The following TLE3 variants were observed in gnomAD, a reference collection of about 807,000 sequenced individuals.
TLE3 encodes TLE family member 3, transcriptional corepressor.
In TLE3, 14 loss-of-function variants were observed where a neutral mutation model predicts 93.0. That is an observed-to-expected ratio of 0.15 (90% confidence interval 0.10 to 0.24). TLE3 has a LOEUF of 0.24. TLE3 is among the 10% of genes least tolerant of loss of function. TLE3 has a pLI of 1.00. For missense variants in TLE3, 693 were observed against 1,046.6 expected (o/e 0.66, Z 4.66); for synonymous variants, 451 against 425.0 (o/e 1.06, Z -0.75).
At chr15:70,081,596 C>T (rs970974267) in intron 4 of TLE3, among the ~76,000 whole-genome samples, 15 of 152,224 alleles carry the variant, frequency 9.9e-5, no homozygotes, top group African/African-American at 3.4e-4. Context: ...GACAACCAGG[C>T]CAGGGTTCTC....
At chr15:70,055,475 A>C in intron 14 of TLE3, 177 bp from the exon 15 acceptor site, 1 of 708,668 alleles carries the variant, frequency 1.4e-6, no homozygotes, top group Non-Finnish European at 2.0e-6. Flanking sequence ...ATCGAGGTAG[A>C]CATGATTAAC....
rs909031509 is a variant in TLE3 at position 70,054,698 on chromosome 15, G to A, written c.1579-13C>T. 10 of 1,568,844 alleles carry A rather than the reference G, an allele frequency of 6.4e-6. No individual in the cohort carries two copies. In the African/African-American group the frequency reaches 1.2e-4, roughly 19 times the overall value. On this transcript the variant is annotated splice_polypyrimidine_tract_variant and intron_variant, in intron 15 of 19. Transcript: ENST00000451782. ...AATTGTCCCTGTTCTGGAGGGAGAA[G>A]GGGCAGGGCTGAGTGCTGCCTACTT... is the stretch of plus-strand genomic sequence containing the variant.
chr15:70,084,442 C>T (rs1188013109), intron 4 of TLE3, among the ~76,000 whole-genome samples: 2 of 152,232 alleles, frequency 1.3e-5, no homozygotes, highest in Non-Finnish European at 1.5e-5. Flanking sequence ...AATCCCTGAT[C>T]CACATGTGGC....
intron 4 of TLE3, among the ~76,000 whole-genome samples, chr15:70,086,055 C>T (rs981601791): frequency 9.2e-5 from 14 of 152,178 alleles, no homozygotes; most frequent in African/African-American, 3.4e-4. Context: ...CCTCTGTCTC[C>T]CCTGCTCCTC....
Position 70,097,408 on chromosome 15 carries a change from C to T in TLE3, c.-610G>A, listed in dbSNP as rs957564229. 2.4e-6 allele frequency: 1 copy of T among 410,268 alleles called. No homozygotes were observed. The highest frequency in any genetic ancestry group is 2.0e-5 in the African/African-American group (1 of 48,796). 25.4% of individuals were successfully genotyped at this position (410,268 alleles called of 1,614,324 possible). A position where few individuals can be genotyped will look rare whatever the true frequency, so the allele number is the denominator to read the frequency against. ...GAGCCCGGCGCGGGCGCTTCGACGC[C>T]CCCCCTCGGAGAGGAGAGCCTGCTG... On this transcript the variant is annotated 5_prime_UTR_variant, in exon 1 of 20. Coordinates refer to ENST00000451782, the MANE Select transcript of TLE3 (RefSeq NM_001105192.3).
intron 7 of TLE3, among the ~76,000 whole-genome samples, chr15:70,065,633 A>G (rs592138): frequency 0.97 from 148,054 of 152,346 alleles, 72,088 homozygotes; most frequent in East Asian, 1. Context: ...CAAGGACTCA[A>G]CTTTGGCATC....
Position 70,048,673 on chromosome 15 carries a change from C to T in TLE3, c.*1424G>A, listed in dbSNP as rs1395020732. On this transcript the variant is annotated 3_prime_UTR_variant, in exon 20 of 20. Transcript: ENST00000451782. Reference sequence around the variant, plus strand: ...GGAAAAAAAAAACAAACAAAAAAAACCCAACCCAAATCCTAACACCTCAGA... The same window carrying T: ...GGAAAAAAAAAACAAACAAAAAAAATCCAACCCAAATCCTAACACCTCAGA... 1.3e-5 allele frequency: 2 copies of T among 150,024 alleles called. No individual in the cohort carries two copies. Among genetic ancestry groups the T allele is most frequent in the African/African-American group, 4.9e-5 (2 of 40,896 alleles). The allele number at this position is 150,024 out of a possible 1,614,324, so 9.3% of individuals were successfully genotyped here.
intron 4 of TLE3, among the ~76,000 whole-genome samples, chr15:70,079,896 T>C (rs559022735): frequency 5.3e-5 from 8 of 152,132 alleles, no homozygotes; most frequent in Non-Finnish European, 8.8e-5. Flanking sequence ...ACTAAATGAC[T>C]TCCTACCAAG....
chr15:70,053,265 C>T lies in TLE3; in HGVS notation c.1936G>A (p.Glu646Lys), dbSNP rs1193353018. 6.2e-7 allele frequency: 1 copy of T among 1,608,966 alleles called. No homozygotes were observed. The highest frequency in any genetic ancestry group is 1.1e-5 in the South Asian group (1 of 89,812). Reference sequence around the variant, plus strand: ...TCATGCTGCTGTAGCTGTCGGCCCTCCCGCAGGTCCCAGGAGCGCACCGTG... The same window carrying T: ...TCATGCTGCTGTAGCTGTCGGCCCTTCCGCAGGTCCCAGGAGCGCACCGTG... The part of the protein sequence containing the change: ...DNTVRSWDLR[E>K]GRQLQQHDFT... The change falls in exon 17 of 20, where the codon GAG (glutamate) becomes AAG (lysine). Residue 646 changes from glutamate to lysine, a missense_variant. Glu to Lys is a moderately conservative substitution (Grantham distance 56). This residue lies in a region of TLE3 where 153 missense variants were observed against 379.9 expected (regional missense o/e 0.40). Transcript: ENST00000451782.
intron 5 of TLE3, among the ~76,000 whole-genome samples, chr15:70,075,519 G>A (rs1053906496): frequency 6.6e-6 from 1 of 152,242 alleles, no homozygotes; most frequent in African/African-American, 2.4e-5. Flanking sequence ...CAGCCACTGA[G>A]TGGGAGTAGA....
intron 6 of TLE3, among the ~76,000 whole-genome samples, chr15:70,071,987 A>C (rs1434285937): frequency 6.6e-6 from 1 of 152,234 alleles, no homozygotes; most frequent in African/African-American, 2.4e-5. Context: ...GCAGTCAAGC[A>C]CGGCTCCCCA....
intron 4 of TLE3, among the ~76,000 whole-genome samples, chr15:70,091,035 C>T (rs1221967476): frequency 6.6e-6 from 1 of 152,226 alleles, no homozygotes; most frequent in Admixed American, 6.5e-5. Flanking sequence ...AGGGAAGCAG[C>T]AGTAGCAGCT....
intron 6 of TLE3, among the ~76,000 whole-genome samples, chr15:70,068,747 G>A (rs890060971): frequency 6.6e-6 from 1 of 152,212 alleles, no homozygotes; most frequent in Non-Finnish European, 1.5e-5. Context: ...CACGCACCCT[G>A]ACTCTTATCT....
intron 17 of TLE3, chr15:70,052,904 T>C (rs1342007568): frequency 5.8e-6 from 2 of 343,214 alleles, no homozygotes; most frequent in African/African-American, 2.1e-5. Flanking sequence ...AGAGGGATCA[T>C]TTCAGGTGCC....
chr15:70,062,108 C>T (rs758364155), intron 8 of TLE3, among the ~76,000 whole-genome samples: 1 of 152,190 alleles, frequency 6.6e-6, no homozygotes, highest in South Asian at 2.1e-4. Context: ...CAGCCCTACC[C>T]GGCCAAGTTT....
chr15:70,097,017 G>A lies in TLE3; in HGVS notation c.-219C>T, dbSNP rs1567068887. On this transcript the variant is annotated 5_prime_UTR_variant, in exon 1 of 20. Coordinates refer to ENST00000451782, the MANE Select transcript of TLE3 (RefSeq NM_001105192.3). The stretch of plus-strand genomic sequence containing the variant: ...GGAGCAGGCGGCAAAGTCGTCGGCG[G>A]GCGCCGGGGCCGGGCGGCGGGCGCG... 3 of 596,196 alleles carry A rather than the reference G, an allele frequency of 5.0e-6. No homozygotes were observed. Among genetic ancestry groups the A allele is most frequent in the Non-Finnish European group, 5.7e-6 (2 of 348,284 alleles). The allele number at this position is 596,196 out of a possible 1,614,324, so 36.9% of individuals were successfully genotyped here.
chr15:70,090,961 G>A (rs1470776996), intron 4 of TLE3, among the ~76,000 whole-genome samples: 1 of 152,172 alleles, frequency 6.6e-6, no homozygotes, highest in Non-Finnish European at 1.5e-5. Context: ...TAAAGACACA[G>A]AATACACTAG....
chr15:70,066,256 G>A (rs760302208), intron 6 of TLE3, 38 bp from the exon 7 acceptor site: 11 of 1,451,352 alleles, frequency 7.6e-6, no homozygotes, highest in Non-Finnish European at 1.0e-5. Flanking sequence ...CTGAGTTGGG[G>A]AGGGCAGGGG....
chr15:70,067,433 A>C (rs2056882547), intron 6 of TLE3, among the ~76,000 whole-genome samples: 1 of 152,196 alleles, frequency 6.6e-6, no homozygotes, highest in African/African-American at 2.4e-5. Flanking sequence ...GGGCTGGAGT[A>C]GGTAGCTAGT....
Sources: gnomAD v4.1 joint callset for allele counts (sites outside exome capture counted in the v4.1 genomes callset) on GRCh38, gnomAD v4.1.1 for gene constraint, gnomAD v4.1.1 regional missense constraint, MANE v1.5 for transcripts, NCBI Gene and HGNC (gene_info 2026-07-23, HGNC 2026-07-21) for gene names.